TBXAS1: variants seen among roughly 807,000 people sequenced by gnomAD.
TBXAS1 encodes thromboxane-A synthase.
Under a neutral mutation model 60.7 loss-of-function variants are expected in TBXAS1, and 48 were observed. The ratio of observed to expected loss-of-function variants is 0.79; its 90% CI spans 0.63 to 1.01. The LOEUF is 1.01. Ranked by LOEUF, TBXAS1 falls within the 50% of genes least tolerant of loss-of-function variation. The pLI is 0.00. For synonymous variants in TBXAS1, 287 were observed against 269.7 expected (o/e 1.06, Z -0.63); for missense variants, 685 against 686.3 (o/e 1.00, Z 0.02).
intron 3 of TBXAS1, among the ~76,000 whole-genome samples, chr7:139,877,979 T>C (rs1802376756): frequency 6.6e-6 from 1 of 152,124 alleles, no homozygotes. Flanking sequence ...GAGTTTGAAT[T>C]CTAGGAACCA....
chr7:139,808,789 G>A (rs988686360), intron 4 of TBXAS1, among the ~76,000 whole-genome samples: 1 of 152,208 alleles, frequency 6.6e-6, no homozygotes, highest in African/African-American at 2.4e-5. Flanking sequence ...CTTGAGGGCA[G>A]AGGCTGTGTC....
chr7:139,895,837 G>C (rs2284201), intron 3 of TBXAS1, among the ~76,000 whole-genome samples: 62,701 of 152,152 alleles, frequency 0.41, 13,257 homozygotes, highest in South Asian at 0.5. Flanking sequence ...ACAAAGGCAG[G>C]CCCATGGCTG....
chr7:139,956,117 G>A (rs532978258), intron 7 of TBXAS1, among the ~76,000 whole-genome samples: 2 of 152,126 alleles, frequency 1.3e-5, no homozygotes, highest in East Asian at 3.9e-4. Flanking sequence ...CAATGCACGA[G>A]GACCAGTCTA....
At chr7:139,967,778 G>C (rs1361306943) in intron 9 of TBXAS1, among the ~76,000 whole-genome samples, 1 of 152,204 alleles carries the variant, frequency 6.6e-6, no homozygotes, top group African/African-American at 2.4e-5. Flanking sequence ...GGGTAGCCAG[G>C]AAACAGTGTG....
upstream of TBXAS1, among the ~76,000 whole-genome samples, chr7:139,827,863 T>C (rs1430746338): frequency 6.6e-6 from 1 of 152,200 alleles, no homozygotes; most frequent in African/African-American, 2.4e-5. Context: ...TTCATCTGAT[T>C]GGTTTTCCTT....
intron 5 of TBXAS1, chr7:139,952,513 T>A (rs1809492410): frequency 6.5e-7 from 1 of 1,534,108 alleles, no homozygotes; most frequent in African/African-American, 1.4e-5. Flanking sequence ...TATTCTAGAA[T>A]GGGCAGCGAA....
upstream of TBXAS1, among the ~76,000 whole-genome samples, chr7:139,826,475 C>T (rs1798440676): frequency 6.6e-6 from 1 of 152,168 alleles, no homozygotes. Context: ...GGCAAATGGT[C>T]AGAAGGAAAG....
rs1283736861 is a variant in TBXAS1 at position 139,936,216 on chromosome 7, T to C, written c.359T>C (p.Val120Ala). ...GCGTCGGGTTTGGAGTTCAAGTCGG[T>C]AGCCGACAGCGTTCTGTTTTTACGT... ...RMASGLEFKS[V>A]ADSVLFLRDK... Residue 120 changes from valine (V) to alanine (A), a missense_variant, in exon 5 of 13, where the codon GTA becomes GCA. Val to Ala is a moderately conservative substitution (Grantham distance 64, BLOSUM62 0). Coordinates refer to ENST00000448866, the MANE Select transcript of TBXAS1 (RefSeq NM_001061.7). The C allele has an allele frequency of 6.2e-7, 1 of 1,614,238 alleles. No homozygotes were observed.
chr7:139,874,609 C>T (rs987596012), intron 2 of TBXAS1, among the ~76,000 whole-genome samples: 1 of 152,168 alleles, frequency 6.6e-6, no homozygotes, highest in African/African-American at 2.4e-5. Context: ...CTCCTAACCC[C>T]CAACTTTCCA....
Position 139,936,172 on chromosome 7 carries a change from G to A in TBXAS1, c.334-19G>A, listed in dbSNP as rs200628190. 2.2e-5 allele frequency: 35 copies of A among 1,613,750 alleles called. No individual in the cohort carries two copies. The Middle Eastern group carries it at 8.4e-4, about 39-fold the overall frequency. ...TTGGCTCCCTGAGTCCTGACCCTCTGCTTGTTACTTCCCAACAGGCGTCGG... is the reference window on the plus strand; with the variant it reads ...TTGGCTCCCTGAGTCCTGACCCTCTACTTGTTACTTCCCAACAGGCGTCGG... On this transcript the variant is annotated intron_variant, in intron 4 of 12. Transcript: ENST00000448866.
At chr7:139,995,538 T>G (rs1813227392) in intron 9 of TBXAS1, among the ~76,000 whole-genome samples, 1 of 152,192 alleles carries the variant, frequency 6.6e-6, no homozygotes, top group South Asian at 2.1e-4. Context: ...GGAGGGCACC[T>G]TGGGGTCTCT....
At chr7:139,830,129 G>T (rs764745) in intron 1 of TBXAS1, among the ~76,000 whole-genome samples, 1 of 152,050 alleles carries the variant, frequency 6.6e-6, no homozygotes, top group East Asian at 1.9e-4. Context: ...TTTTCCTAAG[G>T]CTGACTCTGG....
rs768712323 is a variant in TBXAS1 at position 139,957,803 on chromosome 7, G to A, written c.819+39G>A. The A allele has an allele frequency of 1.2e-5, 19 of 1,613,226 alleles. No individual in the cohort carries two copies. The Admixed American group carries it at 3.2e-4, about 27-fold the overall frequency. Reference sequence around the variant, plus strand: ...ATAGGACACAGCCTTGAAATGGAATGGAGCCGACTTTGGCATCACTGTCTC... The same window carrying A: ...ATAGGACACAGCCTTGAAATGGAATAGAGCCGACTTTGGCATCACTGTCTC... On this transcript the variant is annotated intron_variant, in intron 8 of 12. Coordinates refer to ENST00000448866, the MANE Select transcript of TBXAS1 (RefSeq NM_001061.7).
At chr7:139,865,832 G>A (rs951717808) in intron 1 of TBXAS1, among the ~76,000 whole-genome samples, 1 of 104,388 alleles carries the variant, frequency 9.6e-6, no homozygotes, top group Non-Finnish European at 2.0e-5. Context: ...AGGGAGGGAG[G>A]GGGGAAAGGA....
rs1813498100 is a variant in TBXAS1, at chr7:139,999,187, G to A, written c.1135-7904G>A. On this transcript the variant is annotated intron_variant, in intron 9 of 12. Coordinates refer to ENST00000448866, the MANE Select transcript of TBXAS1 (RefSeq NM_001061.7). The surrounding 1 kb of genome is among the most constrained non-coding windows in gnomAD (Gnocchi z 4.3). ...AGCTATGGGATCTAGAAGGTGAAAT[G>A]TCAGAGCTCAGAGAACCTCAGCTCC... is the stretch of plus-strand genomic sequence containing the variant. 1.3e-5 allele frequency among the ~76,000 whole-genome samples: 2 copies of A among 152,176 alleles called. No individual in the cohort carries two copies. The highest frequency in any genetic ancestry group is 1.3e-4 in the Admixed American group (2 of 15,272).
intron 3 of TBXAS1, among the ~76,000 whole-genome samples, chr7:139,880,625 G>T (rs1462533861): frequency 6.6e-6 from 1 of 152,108 alleles, no homozygotes; most frequent in African/African-American, 2.4e-5. Flanking sequence ...AATGGTATTT[G>T]GGAAATTGTC....
At chr7:139,920,555 G>A (rs1291024622) in intron 4 of TBXAS1, among the ~76,000 whole-genome samples, 2 of 152,184 alleles carry the variant, frequency 1.3e-5, no homozygotes, top group Non-Finnish European at 2.9e-5. Flanking sequence ...TGCCAAGGAA[G>A]GCAGTGTGAT....
At position 139,990,614 on chromosome 7, in the gene TBXAS1, C is replaced by T. The variant is rs140028223; in HGVS notation, c.1135-16477C>T. ...CCCTGAGACCTCTTGTCCTGGAGCCCGCAGGGTCCAGCTCAGCTGTGCCCC... is the reference window on the plus strand; with the variant it reads ...CCCTGAGACCTCTTGTCCTGGAGCCTGCAGGGTCCAGCTCAGCTGTGCCCC... On this transcript the variant is annotated intron_variant, in intron 9 of 12. Coordinates refer to ENST00000448866, the MANE Select transcript of TBXAS1 (RefSeq NM_001061.7). Among the ~76,000 whole-genome samples, 16 of 152,172 alleles carry T rather than the reference C, an allele frequency of 1.1e-4. 1 individual carries two copies. The highest frequency in any genetic ancestry group is 2.1e-4 in the South Asian group (1 of 4,816).
intron 1 of TBXAS1, among the ~76,000 whole-genome samples, chr7:139,860,146 C>T (rs773279449): frequency 6.6e-6 from 1 of 152,126 alleles, no homozygotes; most frequent in South Asian, 2.1e-4. Flanking sequence ...AAAACAACAA[C>T]AACAAAACTA....
Sources: allele counts gnomAD v4.1 joint callset (sites outside exome capture counted in the v4.1 genomes callset), GRCh38; gene constraint gnomAD v4.1.1; non-coding constraint Gnocchi (gnomAD v3.1); transcripts MANE v1.5; gene names NCBI Gene and HGNC (gene_info 2026-07-23, HGNC 2026-07-21).